TLE4: variants seen among roughly 807,000 people sequenced by gnomAD.
TLE4 encodes TLE family member 4, transcriptional corepressor.
Under a neutral mutation model 92.8 loss-of-function variants are expected in TLE4, and 8 were observed. That is an observed-to-expected ratio of 0.09 (90% confidence interval 0.05 to 0.16). The LOEUF is 0.16. Among genes scored for constraint, TLE4 ranks in the 10% least tolerant of loss-of-function variants. The probability of loss-of-function intolerance (pLI) is 1.00; values close to 1 mark genes in which losing one functional copy is unlikely to be tolerated. For missense variants in TLE4, 675 were observed against 997.6 expected (o/e 0.68, Z 4.36); for synonymous variants, 371 against 374.1 (o/e 0.99, Z 0.10).
Position 79,725,829 on chromosome 9 carries a change from C to CT in TLE4, c.*692dup, listed in dbSNP as rs763966793. The CT allele has an allele frequency of 1.3e-5, 2 of 152,516 alleles. No homozygotes were observed. Among genetic ancestry groups the CT allele is most frequent in the African/African-American group, 4.8e-5 (2 of 41,404 alleles). 9.4% of individuals were successfully genotyped at this position (152,516 alleles called of 1,614,324 possible). ...ATTATATTCGATAAAAGTAATTGGA[C>CT]TTTTTTTCTTTTTTTGACTCGTTGA... On this transcript the variant is annotated 3_prime_UTR_variant, in exon 20 of 20. Coordinates refer to ENST00000376552, the MANE Select transcript of TLE4 (RefSeq NM_007005.6).
intron 8 of TLE4, among the ~76,000 whole-genome samples, chr9:79,675,693 A>T (rs1285576385): frequency 1.3e-5 from 2 of 152,142 alleles, no homozygotes; most frequent in African/African-American, 4.8e-5. Flanking sequence ...AAGCACTGTC[A>T]CTGCCACTGT....
At chr9:79,671,776 A>G (rs942528048) in intron 8 of TLE4, among the ~76,000 whole-genome samples, 6 of 151,992 alleles carry the variant, frequency 3.9e-5, no homozygotes, top group Non-Finnish European at 8.8e-5. Flanking sequence ...GAGTGATTGC[A>G]GTATTCAGGG....
chr9:79,654,163 A>C, intron 8 of TLE4, 88 bp downstream of exon 8: 1 of 1,370,154 alleles, frequency 7.3e-7, no homozygotes, highest in African/African-American at 1.4e-5. Context: ...TTTGAGATTT[A>C]GAGAATGATT....
intron 6 of TLE4, among the ~76,000 whole-genome samples, chr9:79,651,239 A>G (rs1267213038): frequency 1.3e-5 from 2 of 152,186 alleles, no homozygotes; most frequent in Non-Finnish European, 2.9e-5. Context: ...ACTTGTTGTC[A>G]TACAATATTG....
At chr9:79,629,029 T>C (rs2053484550) in intron 6 of TLE4, among the ~76,000 whole-genome samples, 1 of 152,082 alleles carries the variant, frequency 6.6e-6, no homozygotes, top group African/African-American at 2.4e-5. Context: ...CCTACATTTC[T>C]CTACTGTCTC....
At chr9:79,642,371 T>C (rs1228627313) in intron 6 of TLE4, among the ~76,000 whole-genome samples, 1 of 152,010 alleles carries the variant, frequency 6.6e-6, no homozygotes, top group East Asian at 1.9e-4. Flanking sequence ...TCCTCCTGCC[T>C]CAGCCTCCCG....
chr9:79,660,426 G>A (rs1207223806), intron 8 of TLE4, among the ~76,000 whole-genome samples: 2 of 152,166 alleles, frequency 1.3e-5, no homozygotes, highest in South Asian at 2.1e-4. Flanking sequence ...ATCATTTGAG[G>A]GGTTCGGTGG....
chr9:79,616,143 A>G (rs2049534272), intron 5 of TLE4, among the ~76,000 whole-genome samples: 1 of 152,116 alleles, frequency 6.6e-6, no homozygotes, highest in Non-Finnish European at 1.5e-5. Context: ...TTTGCAGGGG[A>G]AGAACTATAA....
rs368395841 is a variant in TLE4 at position 79,705,930 on chromosome 9, C to T, written c.771C>T (p.Asp257=). Residue 257 remains aspartate (D), a synonymous_variant, in exon 10 of 20, where the codon GAC becomes GAT. Transcript: ENST00000376552. The stretch of plus-strand genomic sequence containing the variant: ...AAAGTGATGACAACTTGGTGGTTGA[C>T]GTTTCCAATGAGGTATGTTTGTGGC... ...GEKSDDNLVV[D]VSNEDPSSPR... 3.4e-5 allele frequency: 55 copies of T among 1,614,016 alleles called. No individual in the cohort carries two copies. Among genetic ancestry groups the T allele is most frequent in the Non-Finnish European group, 4.5e-5 (53 of 1,180,028 alleles).
intron 3 of TLE4, chr9:79,575,841 T>C: frequency 3.8e-6 from 1 of 263,916 alleles, no homozygotes; most frequent in East Asian, 6.1e-5. Context: ...TACCAAATTT[T>C]CATCAGACTT....
intron 4 of TLE4, chr9:79,580,455 A>C (rs1201125715): frequency 6.6e-6 from 1 of 152,202 alleles, no homozygotes; most frequent in African/African-American, 2.4e-5. Flanking sequence ...GAAGTAATAC[A>C]TGACTGGCAT....
chr9:79,722,628 C>T (rs1302257587), intron 18 of TLE4, 27 bp downstream of exon 18: 2 of 1,610,138 alleles, frequency 1.2e-6, no homozygotes, highest in East Asian at 2.2e-5. Context: ...TGTCCATTTT[C>T]TGTCAACCAG....
At chr9:79,667,845 T>C (rs1377264911) in intron 8 of TLE4, among the ~76,000 whole-genome samples, 1 of 152,226 alleles carries the variant, frequency 6.6e-6, no homozygotes, top group Admixed American at 6.5e-5. Context: ...TTCGAGATTC[T>C]TAAACTAAAG....
chr9:79,573,366 T>G, intron 1 of TLE4: 1 of 1,138,968 alleles, frequency 8.8e-7, no homozygotes, highest in Non-Finnish European at 1.1e-6. Context: ...CAGTTTCGAT[T>G]CCGGGTGAGG....
chr9:79,689,512 CA>C (rs1192924360), intron 8 of TLE4, among the ~76,000 whole-genome samples: 1 of 152,104 alleles, frequency 6.6e-6, no homozygotes, highest in Non-Finnish European at 1.5e-5. Context: ...TTATGGCACT[CA>C]AAATACATCA....
intron 14 of TLE4, among the ~76,000 whole-genome samples, chr9:79,716,293 A>G (rs930360845): frequency 6.6e-6 from 1 of 151,976 alleles, no homozygotes; most frequent in Non-Finnish European, 1.5e-5. Flanking sequence ...CACGTTCCCC[A>G]TTACTTATTT....
At chr9:79,645,709 T>A (rs904154716) in intron 6 of TLE4, among the ~76,000 whole-genome samples, 3 of 152,206 alleles carry the variant, frequency 2.0e-5, no homozygotes, top group Non-Finnish European at 4.4e-5. Flanking sequence ...TTTTCAGACA[T>A]CATTGCTATT....
At chr9:79,687,547 T>C (rs1298240807) in intron 8 of TLE4, among the ~76,000 whole-genome samples, 1 of 152,262 alleles carries the variant, frequency 6.6e-6, no homozygotes, top group African/African-American at 2.4e-5. Flanking sequence ...ACATGTTTGA[T>C]AGAGTTCTCA....
chr9:79,603,976 AC>A (rs893842803), intron 4 of TLE4, among the ~76,000 whole-genome samples: 18 of 152,300 alleles, frequency 1.2e-4, no homozygotes, highest in Non-Finnish European at 4.4e-5. Flanking sequence ...TTGGATTTTA[AC>A]ATTTCCAGGT....
Sources: gnomAD v4.1 joint callset for allele counts (sites outside exome capture counted in the v4.1 genomes callset) on GRCh38, gnomAD v4.1.1 for gene constraint, MANE v1.5 for transcripts, NCBI Gene and HGNC (gene_info 2026-07-23, HGNC 2026-07-21) for gene names.